The following FRMPD2 variants were observed in gnomAD, a reference collection of about 807,000 sequenced individuals.
FRMPD2 encodes FERM and PDZ domain-containing protein 2.
In FRMPD2, 96 loss-of-function variants were observed where a neutral mutation model predicts 140.1. The observed-to-expected ratio is 0.69, with a 90% CI of 0.58 to 0.81. FRMPD2 has a LOEUF of 0.81. Among genes scored for constraint, FRMPD2 ranks in the 40% least tolerant of loss-of-function variants. The pLI is 0.00. For missense variants in FRMPD2, 1,240 were observed against 1,447.4 expected (o/e 0.86, Z 2.32); for synonymous variants, 449 against 547.6 (o/e 0.82, Z 2.52).
intron 1 of FRMPD2, among the ~76,000 whole-genome samples, chr10:48,262,481 C>T (rs764440174): frequency 9.2e-5 from 14 of 152,132 alleles, no homozygotes; most frequent in Non-Finnish European, 1.5e-4. Context: ...AACAGAGCAT[C>T]AGAATACATG....
chr10:48,243,436 G>T (rs1840173281), intron 4 of FRMPD2, among the ~76,000 whole-genome samples: 1 of 152,206 alleles, frequency 6.6e-6, no homozygotes, highest in Admixed American at 6.5e-5. Flanking sequence ...GCAGGACAGG[G>T]GCCTGGGGGA....
intron 1 of FRMPD2, among the ~76,000 whole-genome samples, chr10:48,264,816 G>A (rs11101276): frequency 1.3e-5 from 2 of 151,976 alleles, no homozygotes; most frequent in African/African-American, 4.8e-5. Context: ...GGGAAAACAA[G>A]TCACCTAGAA....
chr10:48,173,238 T>A, intron 24 of FRMPD2, 145 bp from the exon 25 acceptor site: 1 of 475,930 alleles, frequency 2.1e-6, no homozygotes, highest in Non-Finnish European at 3.9e-6. Flanking sequence ...TATATTGGGA[T>A]CTAGACCCAG....
rs17836175 is a variant in FRMPD2, at chr10:48,252,693, G to A, written c.26-1002C>T. 6.0e-3 allele frequency among the ~76,000 whole-genome samples: 915 copies of A among 152,230 alleles called. 38 individuals are homozygous for A. The East Asian group carries it at 0.074, about 12-fold the overall frequency. ...CTCTCCCTGGGGCAGAAAGGGAGCC[G>A]CAGCAGGACCCCCTCAGAAAGCTTG... On this transcript the variant is annotated intron_variant, in intron 1 of 28. Transcript: ENST00000374201.
intron 1 of FRMPD2, among the ~76,000 whole-genome samples, chr10:48,253,489 C>A (rs986510743): frequency 1.6e-4 from 24 of 152,084 alleles, no homozygotes; most frequent in African/African-American, 5.1e-4. Flanking sequence ...CCACACCAGC[C>A]TCAAACACTT....
rs763969079 is a variant in FRMPD2, at chr10:48,206,748, A to G, written c.1797T>C (p.Tyr599=). The change falls in exon 14 of 29, where the codon TAT becomes TAC. Residue 599 remains tyrosine (Y), a splice_region_variant and synonymous_variant. Transcript: ENST00000374201. ...TATTTATCAACTGAGCTACACTCAC[A>G]TAAGTAGAAATCTTCCCGGTTTCTC... The part of the protein sequence containing the change: ...QWRETGKIST[Y]QKKFTITSSV... 4 of 1,613,256 alleles carry G rather than the reference A, an allele frequency of 2.5e-6. No individual in the cohort carries two copies. The highest frequency in any genetic ancestry group is 3.4e-6 in the Non-Finnish European group (4 of 1,179,224).
rs192074304 is a variant in FRMPD2, at chr10:48,271,209, G to A, written c.25+3334C>T. Among the ~76,000 whole-genome samples the A allele has an allele frequency of 2.7e-3, 406 of 152,204 alleles. 6 individuals are homozygous for A. The highest frequency in any genetic ancestry group is 5.0e-3 in the Non-Finnish European group (337 of 68,018). ...ACGCACCACAACCCCCTTGCCTCCT[G>A]TCCTTCTGCAGGCTCTGTGGGGACA... On this transcript the variant is annotated intron_variant, in intron 1 of 28. Transcript: ENST00000374201.
chr10:48,271,069 A>G lies in FRMPD2; in HGVS notation c.25+3474T>C, dbSNP rs773167954. 3.3e-5 allele frequency among the ~76,000 whole-genome samples: 5 copies of G among 152,184 alleles called. No individual in the cohort carries two copies. In the South Asian group the frequency reaches 6.2e-4, roughly 19 times the overall value. On this transcript the variant is annotated intron_variant, in intron 1 of 28. Transcript: ENST00000374201. ...TCGTGAAAACTTTCAGCCACTTTCT[A>G]TTCTCCAAAGGATCAGCTCAGATCC... is the stretch of plus-strand genomic sequence containing the variant.
At chr10:48,268,054 C>G (rs966260399) in intron 1 of FRMPD2, among the ~76,000 whole-genome samples, 1 of 152,106 alleles carries the variant, frequency 6.6e-6, no homozygotes, top group Admixed American at 6.5e-5. Context: ...GCAAACAATC[C>G]AATTAGAAAA....
chr10:48,178,361 G>A (rs1838463087), intron 21 of FRMPD2, among the ~76,000 whole-genome samples: 1 of 152,168 alleles, frequency 6.6e-6, no homozygotes, highest in South Asian at 2.1e-4. Flanking sequence ...GATGGGCTGG[G>A]CTGATGCCAC....
intron 15 of FRMPD2, among the ~76,000 whole-genome samples, chr10:48,195,365 T>G (rs1416776213): frequency 6.6e-6 from 1 of 152,242 alleles, no homozygotes; most frequent in East Asian, 1.9e-4. Context: ...TAAAGTAATA[T>G]GCTTATTGAG....
intron 10 of FRMPD2, among the ~76,000 whole-genome samples, chr10:48,223,546 A>G (rs1221939261): frequency 6.6e-6 from 1 of 152,198 alleles, no homozygotes; most frequent in African/African-American, 2.4e-5. Flanking sequence ...ATGTCGCTTA[A>G]TATCTGCCTT....
chr10:48,253,668 G>T (rs1840434283), intron 1 of FRMPD2, among the ~76,000 whole-genome samples: 2 of 152,104 alleles, frequency 1.3e-5, no homozygotes, highest in South Asian at 2.1e-4. Context: ...GTGCAAATTT[G>T]TTGCTAGCAC....
chr10:48,187,398 G>T, intron 16 of FRMPD2, 106 bp from the exon 17 acceptor site: 1 of 872,716 alleles, frequency 1.1e-6, no homozygotes, highest in East Asian at 2.7e-5. Context: ...TCTGAGTATG[G>T]ATGATGGCCC....
intron 14 of FRMPD2, 104 bp from the exon 15 acceptor site, chr10:48,201,488 C>G (rs1773467929): frequency 1.0e-6 from 1 of 987,082 alleles, no homozygotes; most frequent in African/African-American, 1.6e-5. Flanking sequence ...CACCCTGTAG[C>G]AGGCATCCAC....
At chr10:48,164,017 CT>C (rs1416550512) in intron 27 of FRMPD2, among the ~76,000 whole-genome samples, 1 of 151,058 alleles carries the variant, frequency 6.6e-6, no homozygotes, top group African/African-American at 2.5e-5. Flanking sequence ...AGTTTTTCAT[CT>C]TCATCTGTCA....
chr10:48,269,951 C>T (rs924395576), intron 1 of FRMPD2, among the ~76,000 whole-genome samples: 1 of 152,148 alleles, frequency 6.6e-6, no homozygotes, highest in African/African-American at 2.4e-5. Flanking sequence ...CCTCCTCAGG[C>T]CCTGAGTCAG....
intron 13 of FRMPD2, among the ~76,000 whole-genome samples, chr10:48,209,239 T>C (rs932278824): frequency 2.0e-5 from 3 of 152,154 alleles, no homozygotes; most frequent in African/African-American, 7.2e-5. Context: ...ATGATTTCAA[T>C]AGCAAGAAAA....
chr10:48,257,187 T>A (rs529621296), intron 1 of FRMPD2, among the ~76,000 whole-genome samples: 65 of 152,128 alleles, frequency 4.3e-4, no homozygotes, highest in African/African-American at 1.5e-3. Flanking sequence ...CCAGTCTTTT[T>A]TTTTTTTTCT....
Sources: gnomAD v4.1 joint callset for allele counts (sites outside exome capture counted in the v4.1 genomes callset) on GRCh38, gnomAD v4.1.1 for gene constraint, MANE v1.5 for transcripts, NCBI Gene and HGNC (gene_info 2026-07-23, HGNC 2026-07-21) for gene names.